AGTPBP1: variants seen among roughly 807,000 people sequenced by gnomAD.
The protein encoded by AGTPBP1 is cytosolic carboxypeptidase 1.
A neutral mutation model predicts 143.9 loss-of-function variants in AGTPBP1; 70 were observed. That is an observed-to-expected ratio of 0.49 (90% CI 0.40 to 0.59). The LOEUF is 0.59. Among genes scored for constraint, AGTPBP1 ranks in the 20% least tolerant of loss-of-function variants. The probability of loss-of-function intolerance (pLI) is 0.00; values close to 1 mark genes in which losing one functional copy is unlikely to be tolerated. For synonymous variants in AGTPBP1, 463 were observed against 500.2 expected (o/e 0.93, Z 0.99); for missense variants, 1,229 against 1,464.5 (o/e 0.84, Z 2.62).
At chr9:85,745,507 G>A (rs1402682862), upstream of AGTPBP1, among the ~76,000 whole-genome samples, 3 of 152,110 alleles carry the variant, frequency 2.0e-5, no homozygotes, top group Non-Finnish European at 1.5e-5. Flanking sequence ...AAACTAAAAG[G>A]TTTACCACAA....
chr9:85,759,845 A>AAAG, the AGTPBP1 span, among the ~76,000 whole-genome samples: 1 of 151,894 alleles, frequency 6.6e-6, no homozygotes, highest in East Asian at 1.9e-4. Flanking sequence ...TGGTTTTTTG[A>AAAG]GATCAACAAA....
chr9:85,633,207 C>G lies in AGTPBP1; in HGVS notation c.1470G>C (p.Lys490Asn). 6.2e-7 allele frequency: 1 copy of G among 1,613,472 alleles called. No individual in the cohort carries two copies. Among genetic ancestry groups the G allele is most frequent in the Non-Finnish European group, 8.5e-7 (1 of 1,179,868 alleles). The change falls in exon 14 of 26, where the codon AAG (lysine) becomes AAC (asparagine). Residue 490 changes from lysine (K) to asparagine (N), a missense_variant. By Grantham distance (94) the Lys-to-Asn change is moderately conservative (BLOSUM62 0). Around this residue, in one of 2 missense-constraint regions of AGTPBP1, gnomAD observed 743 missense variants for 812.2 expected, o/e 0.91. Coordinates refer to ENST00000357081, the MANE Select transcript of AGTPBP1 (RefSeq NM_001330701.2). ...TTGCTAGATCCATAAAGGTAGACTT[C>G]TTTTCACCTTCATCTCCTTTAGAAG... The part of the protein sequence containing the change: ...NISSKGDEGE[K>N]KSTFMDLAKE...
intron 17 of AGTPBP1, 90 bp from the exon 18 acceptor site, chr9:85,596,539 C>T (rs925972907): frequency 1.2e-6 from 1 of 801,902 alleles, no homozygotes; most frequent in African/African-American, 1.7e-5. Context: ...ACCAAACATT[C>T]AGGAAAGCAG....
chr9:85,768,956 G>C, the AGTPBP1 span, among the ~76,000 whole-genome samples: 2,654 of 151,050 alleles, frequency 0.018, 92 homozygotes, highest in African/African-American at 0.061. Context: ...GGCTGAGGCA[G>C]GAGAATTGCT....
At position 85,619,276 on chromosome 9, in the gene AGTPBP1, T is replaced by C; in HGVS notation, c.2125A>G (p.Ile709Val). Reference sequence around the variant, plus strand: ...TCAAATTTGGAGTTAAATTTCAAAATATCTCCCTCTTCTGGAATGGTGTAA... The same window carrying C: ...TCAAATTTGGAGTTAAATTTCAAAACATCTCCCTCTTCTGGAATGGTGTAA... Reference protein sequence around the residue: ...PNYTIPEEGDILKFNSKFESG... With the variant: ...PNYTIPEEGDVLKFNSKFESG... Residue 709 changes from isoleucine (I) to valine (V), a missense_variant, in exon 16 of 26, where the codon ATT becomes GTT. Coordinates refer to ENST00000357081, the MANE Select transcript of AGTPBP1 (RefSeq NM_001330701.2). 6.2e-7 allele frequency: 1 copy of C among 1,612,744 alleles called. No individual in the cohort carries two copies. Among genetic ancestry groups the C allele is most frequent in the Non-Finnish European group, 8.5e-7 (1 of 1,179,270 alleles).
intron 1 of AGTPBP1, chr9:85,741,444 G>A (rs1824267583): frequency 3.0e-6 from 3 of 985,294 alleles, no homozygotes; most frequent in Non-Finnish European, 3.6e-6. Context: ...CGAGAGAAAG[G>A]GCTGAGCAGA....
At chr9:85,701,553 G>C (rs1030794355) in intron 2 of AGTPBP1, among the ~76,000 whole-genome samples, 3 of 152,140 alleles carry the variant, frequency 2.0e-5, no homozygotes, top group African/African-American at 4.8e-5. Context: ...AACCAAAGTA[G>C]ATGTTTATAA....
intron 11 of AGTPBP1, among the ~76,000 whole-genome samples, chr9:85,653,441 GT>G (rs1444139622): frequency 6.6e-6 from 1 of 152,126 alleles, no homozygotes; most frequent in Non-Finnish European, 1.5e-5. Context: ...GTTTGTTCCC[GT>G]GTTTGGTGAA....
chr9:85,741,531 G>T (rs62570634), intron 1 of AGTPBP1: 1 of 985,288 alleles, frequency 1.0e-6, no homozygotes, highest in East Asian at 1.1e-4. Context: ...AGGGTCCGGG[G>T]ACTGGGGAAG....
intron 1 of AGTPBP1, among the ~76,000 whole-genome samples, chr9:85,740,315 A>G (rs1217118228): frequency 6.6e-6 from 1 of 152,234 alleles, no homozygotes; most frequent in Non-Finnish European, 1.5e-5. Flanking sequence ...TTTTGTGATC[A>G]TTAAAAATGA....
chr9:85,571,700 A>G (rs927750960), intron 25 of AGTPBP1, among the ~76,000 whole-genome samples: 7 of 152,244 alleles, frequency 4.6e-5, no homozygotes, highest in Admixed American at 6.5e-5. Flanking sequence ...GCGCTCTACG[A>G]TAAGATGCAA....
chr9:85,606,618 T>C (rs1009612425), intron 17 of AGTPBP1, among the ~76,000 whole-genome samples: 2 of 152,038 alleles, frequency 1.3e-5, no homozygotes, highest in African/African-American at 4.8e-5. Flanking sequence ...ATGTTTATTG[T>C]AGCACTATTC....
intron 25 of AGTPBP1, among the ~76,000 whole-genome samples, chr9:85,567,592 A>T: frequency 6.6e-6 from 1 of 152,206 alleles, no homozygotes; most frequent in East Asian, 1.9e-4. Flanking sequence ...ACCCTGTCTC[A>T]AAAAAAAGAA....
At position 85,691,536 on chromosome 9, in the gene AGTPBP1, G is replaced by GGTGTGT. The variant is rs58713865; in HGVS notation, c.157+1147_157+1152dup. ...TTTCTCTTATCCAAAAAAAAAAGAGGGTGTGTGTGTGTGTGTGTGTGTGTG... is the reference window on the plus strand; with the variant it reads ...TTTCTCTTATCCAAAAAAAAAAGAGGGTGTGTGTGTGTGTGTGTGTGTGTGTGTGTG... On this transcript the variant is annotated intron_variant, in intron 3 of 25. Transcript: ENST00000357081. Among the ~76,000 whole-genome samples, 400 of 144,542 alleles carry GGTGTGT rather than the reference G, an allele frequency of 2.8e-3. 1 individual carries two copies. The highest frequency in any genetic ancestry group is 3.6e-3 in the Middle Eastern group (1 of 276). The allele number at this position is 144,542 out of a possible 152,430, so 94.8% of individuals were successfully genotyped here. A position where few individuals can be genotyped will look rare whatever the true frequency, so the allele number is the denominator to read the frequency against.
the AGTPBP1 span, among the ~76,000 whole-genome samples, chr9:85,761,567 C>T: frequency 6.6e-6 from 1 of 152,174 alleles, no homozygotes; most frequent in African/African-American, 2.4e-5. Flanking sequence ...AACTGGCTAG[C>T]CATATGTAGA....
At chr9:85,786,672 T>C in the AGTPBP1 span, 2 of 1,329,490 alleles carry the variant, frequency 1.5e-6, no homozygotes, top group South Asian at 1.6e-5. Flanking sequence ...ACCTCTTTCC[T>C]CAGCATAAAG....
intron 17 of AGTPBP1, among the ~76,000 whole-genome samples, chr9:85,607,686 A>G (rs1830069986): frequency 6.6e-6 from 1 of 152,168 alleles, no homozygotes; most frequent in Non-Finnish European, 1.5e-5. Flanking sequence ...TTTATTGAGA[A>G]CATGGTTAAT....
At chr9:85,728,185 T>C (rs1203291031) in intron 1 of AGTPBP1, among the ~76,000 whole-genome samples, 1 of 152,164 alleles carries the variant, frequency 6.6e-6, no homozygotes, top group Admixed American at 6.5e-5. Context: ...AGAATGTTTA[T>C]CTGCAAATCT....
At chr9:85,594,887 T>C (rs554254520) in intron 18 of AGTPBP1, among the ~76,000 whole-genome samples, 1 of 152,326 alleles carries the variant, frequency 6.6e-6, no homozygotes, top group Non-Finnish European at 1.5e-5. Context: ...AGCATGAAAG[T>C]AAGAATGCTT....
Sources: allele counts gnomAD v4.1 joint callset (sites outside exome capture counted in the v4.1 genomes callset), GRCh38; gene constraint gnomAD v4.1.1; regional missense constraint gnomAD v4.1.1; transcripts MANE v1.5; gene names NCBI Gene and HGNC (gene_info 2026-07-23, HGNC 2026-07-21).